BICD1: variants seen among roughly 807,000 people sequenced by gnomAD.
BICD1 encodes BICD cargo adaptor 1, also known as protein bicaudal D homolog 1.
A neutral mutation model predicts 92.5 loss-of-function variants in BICD1; 35 were observed. The observed-to-expected ratio is 0.38, with a 90% CI of 0.29 to 0.50. The LOEUF (loss-of-function observed/expected upper bound fraction) is 0.50. Ranked by LOEUF, BICD1 falls within the 20% of genes least tolerant of loss-of-function variation. The probability of loss-of-function intolerance (pLI) is 0.93; values close to 1 mark genes in which losing one functional copy is unlikely to be tolerated. For missense variants in BICD1, 950 were observed against 1,189.8 expected, an observed-to-expected ratio of 0.80 and a Z score of 2.97; for synonymous variants, 429 against 465.1, an observed-to-expected ratio of 0.92 and a Z score of 1.00.
chr12:32,373,113 A>G (rs1023273696), intron 9 of BICD1, among the ~76,000 whole-genome samples: 1 of 152,224 alleles, frequency 6.6e-6, no homozygotes, highest in African/African-American at 2.4e-5. Flanking sequence ...CTGAAGATGT[A>G]TCCAATTTTA....
At chr12:32,229,622 G>A (rs996652452) in intron 2 of BICD1, among the ~76,000 whole-genome samples, 1 of 152,170 alleles carries the variant, frequency 6.6e-6, no homozygotes, top group Non-Finnish European at 1.5e-5. Context: ...TTTCCATAGA[G>A]TGTTGGGAGA....
intron 8 of BICD1, among the ~76,000 whole-genome samples, chr12:32,349,571 A>T (rs16919774): frequency 0.17 from 25,391 of 152,062 alleles, 2,656 homozygotes; most frequent in East Asian, 0.3. Flanking sequence ...TCTGGAGGTC[A>T]CTGTGTAAAA....
intron 4 of BICD1, among the ~76,000 whole-genome samples, chr12:32,312,335 A>C (rs2136229903): frequency 6.6e-6 from 1 of 152,342 alleles, no homozygotes; most frequent in South Asian, 2.1e-4. Context: ...TTTGCATACA[A>C]CCTGCAGACT....
intron 9 of BICD1, among the ~76,000 whole-genome samples, chr12:32,376,854 C>A (rs1188378646): frequency 8.4e-6 from 1 of 118,386 alleles, no homozygotes; most frequent in Non-Finnish European, 1.6e-5. Flanking sequence ...GGCAAAACAA[C>A]GAGACTCCAT....
intron 4 of BICD1, among the ~76,000 whole-genome samples, chr12:32,326,729 C>T (rs1002025290): frequency 6.6e-6 from 1 of 152,066 alleles, no homozygotes; most frequent in African/African-American, 2.4e-5. Context: ...TACACACACA[C>T]AAAATTAGCC....
chr12:32,175,887 G>A (rs1029075515), intron 1 of BICD1, among the ~76,000 whole-genome samples: 2 of 152,018 alleles, frequency 1.3e-5, no homozygotes, highest in Admixed American at 1.3e-4. Flanking sequence ...ATCCCTGTTC[G>A]CACCTTTACC....
At chr12:32,133,605 AC>A (rs1278600249) in intron 1 of BICD1, among the ~76,000 whole-genome samples, 1 of 152,156 alleles carries the variant, frequency 6.6e-6, no homozygotes, top group Non-Finnish European at 1.5e-5. Context: ...AATTTACTGG[AC>A]CTAAGTTGGC....
At chr12:32,305,233 A>G (rs1431038293) in intron 3 of BICD1, among the ~76,000 whole-genome samples, 1 of 152,186 alleles carries the variant, frequency 6.6e-6, no homozygotes, top group East Asian at 1.9e-4. Flanking sequence ...TTTCCTCATT[A>G]TTAATAAGGA....
At chr12:32,240,151 A>C (rs1946195491) in intron 2 of BICD1, among the ~76,000 whole-genome samples, 1 of 152,210 alleles carries the variant, frequency 6.6e-6, no homozygotes, top group Non-Finnish European at 1.5e-5. Flanking sequence ...GAAAGACTAC[A>C]AACCACTGTA....
chr12:32,226,363 A>G (rs1315644861), intron 2 of BICD1, among the ~76,000 whole-genome samples: 3 of 151,898 alleles, frequency 2.0e-5, no homozygotes, highest in East Asian at 1.9e-4. Flanking sequence ...CAAACTCCTG[A>G]CCTCAGGTGA....
intron 1 of BICD1, among the ~76,000 whole-genome samples, chr12:32,192,453 A>AATAAATAAATAAATAAATAAATAG (rs150682949): frequency 6.7e-6 from 1 of 149,068 alleles, no homozygotes; most frequent in East Asian, 2.0e-4. Flanking sequence ...TAAATAAATA[A>AATAAATAAATAAATAAATAAATAG]ATAGATAGAT....
At position 32,107,032 on chromosome 12, in the gene BICD1, C is replaced by T. The variant is rs1481137380; in HGVS notation, c.-300C>T. ...CTACCCGCGGCCGCCGCAGCCCGGG[C>T]CATGCCGCACGGCTGCTGACCGCAC... On this transcript the variant is annotated 5_prime_UTR_variant, in exon 1 of 10. Transcript: ENST00000652176. 3 of 350,386 alleles carry T rather than the reference C, an allele frequency of 8.6e-6. No homozygotes were observed. The highest frequency in any genetic ancestry group is 1.6e-5 in the Non-Finnish European group (3 of 191,338). The allele number at this position is 350,386 out of a possible 1,614,324, so 21.7% of individuals were successfully genotyped here. A position where few individuals can be genotyped will look rare whatever the true frequency, so the allele number is the denominator to read the frequency against.
chr12:32,130,719 C>A (rs889215870), intron 1 of BICD1, among the ~76,000 whole-genome samples: 2 of 151,946 alleles, frequency 1.3e-5, no homozygotes, highest in African/African-American at 4.8e-5. Context: ...CTCATTTAGA[C>A]CCTGTTTGAG....
chr12:32,189,683 A>G (rs1450797032), intron 1 of BICD1, among the ~76,000 whole-genome samples: 1 of 152,098 alleles, frequency 6.6e-6, no homozygotes, highest in East Asian at 1.9e-4. Context: ...GTGGGGGATA[A>G]GTAAAAGTGT....
chr12:32,272,799 C>G (rs1342947932), intron 2 of BICD1, among the ~76,000 whole-genome samples: 1 of 152,102 alleles, frequency 6.6e-6, no homozygotes, highest in African/African-American at 2.4e-5. Context: ...TTTCAATGGC[C>G]TTGTAATTGA....
intron 1 of BICD1, among the ~76,000 whole-genome samples, chr12:32,195,201 C>A (rs1475892124): frequency 2.0e-5 from 3 of 151,440 alleles, no homozygotes; most frequent in Non-Finnish European, 4.4e-5. Flanking sequence ...AAGCAACATA[C>A]AGATTCAATG....
chr12:32,117,728 A>C (rs1392485311), intron 1 of BICD1, among the ~76,000 whole-genome samples: 1 of 106,514 alleles, frequency 9.4e-6, no homozygotes, highest in Non-Finnish European at 1.9e-5. Flanking sequence ...ACACACACAC[A>C]CACACACATA....
At position 32,178,300 on chromosome 12, in the gene BICD1, A is replaced by T. The variant is rs540252412; in HGVS notation, c.214-37947A>T. Reference sequence around the variant, plus strand: ...GTCCATAGGAAAGTAAGATCTCAGCATTAAAGAGATGCAGGTATGAGTGTT... The same window carrying T: ...GTCCATAGGAAAGTAAGATCTCAGCTTTAAAGAGATGCAGGTATGAGTGTT... On this transcript the variant is annotated intron_variant, in intron 1 of 9. Transcript: ENST00000652176. 1.4e-4 allele frequency among the ~76,000 whole-genome samples: 22 copies of T among 152,106 alleles called. No homozygotes were observed. In the South Asian group the frequency reaches 4.6e-3, roughly 32 times the overall value.
chr12:32,234,716 C>T, intron 2 of BICD1, among the ~76,000 whole-genome samples: 1 of 143,098 alleles, frequency 7.0e-6, no homozygotes. Flanking sequence ...CACTCTGTTG[C>T]CCAGGCTGGA....
Sources: allele counts gnomAD v4.1 joint callset (sites outside exome capture counted in the v4.1 genomes callset), GRCh38; gene constraint gnomAD v4.1.1; transcripts MANE v1.5; gene names NCBI Gene and HGNC (gene_info 2026-07-23, HGNC 2026-07-21).